The following DDX31 variants were observed in gnomAD, a reference collection of about 807,000 sequenced individuals.
The protein encoded by DDX31 is DEAD-box helicase 31.
Under a neutral mutation model 91.3 loss-of-function variants are expected in DDX31, and 70 were observed. That is an observed-to-expected ratio of 0.77 (90% confidence interval 0.63 to 0.94). DDX31 has a LOEUF of 0.94. Ranked by LOEUF, DDX31 falls within the 40% of genes least tolerant of loss-of-function variation. The pLI, the probability that DDX31 is intolerant of heterozygous loss-of-function variation, is 0.00. For synonymous variants in DDX31, 362 were observed against 350.6 expected, an observed-to-expected ratio of 1.03 and a Z score of -0.36; for missense variants, 902 against 925.0, an observed-to-expected ratio of 0.98 and a Z score of 0.32.
intron 14 of DDX31, among the ~76,000 whole-genome samples, chr9:132,636,704 G>C (rs1187093895): frequency 6.6e-6 from 1 of 152,170 alleles, no homozygotes; most frequent in East Asian, 1.9e-4. Context: ...TGTGTTGGGG[G>C]AACCTCACTG....
At chr9:132,641,870 AG>A in intron 14 of DDX31, 133 bp downstream of exon 14, 1 of 760,528 alleles carries the variant, frequency 1.3e-6, no homozygotes, top group Non-Finnish European at 2.2e-6. Context: ...CAAAGAGGCC[AG>A]CCCCACCAAG....
At chr9:132,624,951 G>A (rs1249034255) in intron 17 of DDX31, among the ~76,000 whole-genome samples, 1 of 152,064 alleles carries the variant, frequency 6.6e-6, no homozygotes, top group African/African-American at 2.4e-5. Context: ...TCATCCTCAG[G>A]CATACAAAAA....
rs1832647277 is a variant in DDX31, at chr9:132,630,362, A to T, written c.1533T>A (p.Ile511=). 1 of 1,604,530 alleles carries T rather than the reference A, an allele frequency of 6.2e-7. No individual in the cohort carries two copies. Among genetic ancestry groups the T allele is most frequent in the Middle Eastern group, 1.7e-4 (1 of 6,046 alleles). ...GGCAGCCAATCCGGGCGGTTCTTCCAATCCGGTGGATGTATTCTGCAGGTG... is the reference window on the plus strand; with the variant it reads ...GGCAGCCAATCCGGGCGGTTCTTCCTATCCGGTGGATGTATTCTGCAGGTG... ...PSSPAEYIHR[I]GRTARIGCHG... The change falls in exon 16 of 20, where the codon ATT becomes ATA. Residue 511 remains isoleucine (I), a synonymous_variant. Coordinates refer to ENST00000372159, the MANE Select transcript of DDX31 (RefSeq NM_022779.9).
chr9:132,655,031 G>A (rs1019034909), intron 6 of DDX31, among the ~76,000 whole-genome samples: 4 of 151,384 alleles, frequency 2.6e-5, no homozygotes, highest in Admixed American at 1.3e-4. Context: ...CTTCTACACC[G>A]CTGCTGGAGT....
chr9:132,654,473 C>A (rs1035944847), intron 6 of DDX31, among the ~76,000 whole-genome samples: 2 of 151,744 alleles, frequency 1.3e-5, no homozygotes, highest in Non-Finnish European at 2.9e-5. Context: ...ATTAGCCAGG[C>A]GTGGTGGTGC....
chr9:132,662,246 C>G lies in DDX31; in HGVS notation c.408+15G>C, dbSNP rs184791473. 3.4e-3 allele frequency: 5,482 copies of G among 1,613,972 alleles called. 23 individuals carry two copies. The highest frequency in any genetic ancestry group is 3.7e-3 in the Non-Finnish European group (4,416 of 1,179,924). ...CCAAAAAAAACTGACCCAGAAAACACTGAAAGGTACTTACTAAATGTGGGT... is the reference window on the plus strand; with the variant it reads ...CCAAAAAAAACTGACCCAGAAAACAGTGAAAGGTACTTACTAAATGTGGGT... On this transcript the variant is annotated intron_variant, in intron 3 of 19. Coordinates refer to ENST00000372159, the MANE Select transcript of DDX31 (RefSeq NM_022779.9).
intron 16 of DDX31, 22 bp downstream of exon 16, chr9:132,630,242 C>A: frequency 6.4e-7 from 1 of 1,562,102 alleles, no homozygotes; most frequent in South Asian, 1.2e-5. Context: ...CAGCCGAAAC[C>A]CCATTCAGGT....
chr9:132,632,074 G>A lies in DDX31; in HGVS notation c.1458C>T (p.Gly486=), dbSNP rs766213163. ...TCCACGTGACTTGAGGGAGATCTAA[G>A]CCCCGAGCTGCAACATCCTTTAACA... The part of the protein sequence containing the change: ...VLLCTDVAAR[G]LDLPQVTWIV... The change falls in exon 15 of 20, where the codon GGC becomes GGT. Residue 486 remains glycine (G), a synonymous_variant. Coordinates refer to ENST00000372159, the MANE Select transcript of DDX31 (RefSeq NM_022779.9). 3 of 1,613,222 alleles carry A rather than the reference G, an allele frequency of 1.9e-6. No homozygotes were observed. The highest frequency in any genetic ancestry group is 2.2e-5 in the South Asian group (2 of 90,998).
chr9:132,621,648 G>C (rs904352297), intron 17 of DDX31, among the ~76,000 whole-genome samples: 15 of 152,126 alleles, frequency 9.9e-5, no homozygotes, highest in African/African-American at 3.6e-4. Context: ...TACATGCCTG[G>C]CATTAGTTCA....
At chr9:132,644,618 G>C (rs1298332646) in intron 13 of DDX31, among the ~76,000 whole-genome samples, 1 of 152,192 alleles carries the variant, frequency 6.6e-6, no homozygotes, top group Non-Finnish European at 1.5e-5. Flanking sequence ...TCTTGTGTGT[G>C]ATCTATTACA....
intron 13 of DDX31, 107 bp from the exon 14 acceptor site, chr9:132,642,170 C>T: frequency 1.0e-6 from 1 of 988,672 alleles, no homozygotes; most frequent in Non-Finnish European, 1.6e-6. Context: ...GAGCTATTTT[C>T]AGGCACAGAG....
At chr9:132,654,683 T>C (rs1432418881) in intron 6 of DDX31, among the ~76,000 whole-genome samples, 3 of 151,232 alleles carry the variant, frequency 2.0e-5, no homozygotes, top group Non-Finnish European at 4.4e-5. Context: ...TGGTGGCTCA[T>C]GCCTGTAATC....
At chr9:132,668,784 G>A (rs899216345) in intron 1 of DDX31, among the ~76,000 whole-genome samples, 1 of 152,134 alleles carries the variant, frequency 6.6e-6, no homozygotes, top group Non-Finnish European at 1.5e-5. Flanking sequence ...TAGCCAGGAT[G>A]GTCTCGATCT....
At chr9:132,648,649 T>C in intron 9 of DDX31, 98 bp from the exon 10 acceptor site, 2 of 1,432,414 alleles carry the variant, frequency 1.4e-6, no homozygotes. Flanking sequence ...TCATTTCATG[T>C]ACAGTGCAAA....
intron 15 of DDX31, among the ~76,000 whole-genome samples, chr9:132,631,409 A>G (rs1327125666): frequency 1.3e-5 from 2 of 152,216 alleles, no homozygotes; most frequent in Non-Finnish European, 2.9e-5. Flanking sequence ...ATCTGCAGTG[A>G]GCAGATCAGA....
At chr9:132,610,397 T>C (rs966195420) in intron 19 of DDX31, among the ~76,000 whole-genome samples, 4 of 152,204 alleles carry the variant, frequency 2.6e-5, no homozygotes, top group Non-Finnish European at 5.9e-5. Context: ...CCTCAAAGAA[T>C]TACTGGAGCA....
chr9:132,652,958 T>C (rs2130799398), intron 6 of DDX31, among the ~76,000 whole-genome samples: 1 of 152,298 alleles, frequency 6.6e-6, no homozygotes, highest in East Asian at 1.9e-4. Context: ...GGTATGTTTT[T>C]ATCAGCAGTG....
At chr9:132,612,055 C>T (rs1156308813) in intron 19 of DDX31, 32 bp downstream of exon 19, 5 of 1,602,758 alleles carry the variant, frequency 3.1e-6, no homozygotes, top group South Asian at 1.1e-5. Context: ...AGCTCTCTAG[C>T]CCCGTCACGG....
At chr9:132,663,103 G>A in intron 1 of DDX31, 1 of 1,135,256 alleles carries the variant, frequency 8.8e-7, no homozygotes, top group Non-Finnish European at 1.2e-6. Flanking sequence ...GAAAAGAGGG[G>A]TGGGGGAAAA....
Sources: allele counts gnomAD v4.1 joint callset (sites outside exome capture counted in the v4.1 genomes callset), GRCh38; gene constraint gnomAD v4.1.1; transcripts MANE v1.5; gene names NCBI Gene and HGNC (gene_info 2026-07-23, HGNC 2026-07-21).